Variants in TRIM67 observed in about 807,000 individuals in gnomAD.
The protein encoded by TRIM67 is tripartite motif-containing protein 67.
TRIM67 carries 39 observed loss-of-function variants against 71.0 expected under a neutral mutation model. That is an observed-to-expected ratio of 0.55 (90% CI 0.43 to 0.72). The LOEUF is 0.72. Among genes scored for constraint, TRIM67 ranks in the 30% least tolerant of loss-of-function variants. The probability of loss-of-function intolerance (pLI) is 0.00; values close to 1 mark genes in which losing one functional copy is unlikely to be tolerated. For synonymous variants in TRIM67, 481 were observed against 473.9 expected, an observed-to-expected ratio of 1.01 and a Z score of -0.19; for missense variants, 973 against 1,079.2, an observed-to-expected ratio of 0.90 and a Z score of 1.38.
chr1:231,208,293 C>A (rs1163721451), intron 7 of TRIM67, among the ~76,000 whole-genome samples: 1 of 152,030 alleles, frequency 6.6e-6, no homozygotes, highest in Non-Finnish European at 1.5e-5. Context: ...CCTGCCTCAG[C>A]CTCCCGAGTG....
At position 231,217,101 on chromosome 1, in the gene TRIM67, T is replaced by G; in HGVS notation, c.*1661T>G. On this transcript the variant is annotated 3_prime_UTR_variant, in exon 10 of 10. Coordinates refer to ENST00000366653, the MANE Select transcript of TRIM67 (RefSeq NM_001004342.5). ...TCTGAGTAACTGCCTGCCGGAGCCA[T>G]GCAGGTACCCCCCCTCCACTCAGCA... 2 of 985,910 alleles carry G rather than the reference T, an allele frequency of 2.0e-6. No homozygotes were observed. The highest frequency in any genetic ancestry group is 2.4e-6 in the Non-Finnish European group (2 of 830,006). 61.1% of individuals were successfully genotyped at this position (985,910 alleles called of 1,614,324 possible). A position where few individuals can be genotyped will look rare whatever the true frequency, so the allele number is the denominator to read the frequency against.
intron 8 of TRIM67, among the ~76,000 whole-genome samples, chr1:231,210,893 A>T (rs988311470): frequency 1.3e-5 from 2 of 151,264 alleles, no homozygotes; most frequent in African/African-American, 4.9e-5. Context: ...TAGTAATTTT[A>T]AAAATTAGCC....
chr1:231,214,993 A>C (rs967961314), intron 9 of TRIM67, among the ~76,000 whole-genome samples: 2 of 152,130 alleles, frequency 1.3e-5, no homozygotes, highest in Admixed American at 6.5e-5. Context: ...ATAATTCCTC[A>C]CAGTTAATAG....
At chr1:231,173,158 G>C (rs904685597) in intron 1 of TRIM67, among the ~76,000 whole-genome samples, 2 of 152,086 alleles carry the variant, frequency 1.3e-5, no homozygotes, top group African/African-American at 4.8e-5. Context: ...CATAAATCTA[G>C]TCACAAGAGA....
rs147112114 is a variant in TRIM67, at chr1:231,176,992, C to T, written c.1044+12979C>T. Among the ~76,000 whole-genome samples, 3 of 137,888 alleles carry T rather than the reference C, an allele frequency of 2.2e-5. No individual in the cohort carries two copies. The East Asian group carries it at 6.8e-4, about 31-fold the overall frequency. 90.5% of individuals were successfully genotyped at this position (137,888 alleles called of 152,430 possible). A position where few individuals can be genotyped will look rare whatever the true frequency, so the allele number is the denominator to read the frequency against. On this transcript the variant is annotated intron_variant, in intron 1 of 9. Transcript: ENST00000366653. Reference sequence around the variant, plus strand: ...AGAGATGGGGAGAAAGGGGTAAAAACAAAAGAAGTGAGGAAACCGTAACAT... The same window carrying T: ...AGAGATGGGGAGAAAGGGGTAAAAATAAAAGAAGTGAGGAAACCGTAACAT...
Position 231,163,378 on chromosome 1 carries a change from T to C in TRIM67, c.409T>C (p.Ser137Pro). The change falls in exon 1 of 10, where the codon TCC (serine) becomes CCC (proline). Residue 137 changes from serine (S) to proline (P), a missense_variant. Ser to Pro is a moderately conservative substitution (Grantham distance 74). Coordinates refer to ENST00000366653, the MANE Select transcript of TRIM67 (RefSeq NM_001004342.5). Reference sequence around the variant, plus strand: ...GCCCATGGTGCCCGCACCACCCGGCTCCTCGGCTGCGGCGGCTCGGGGTGC... The same window carrying C: ...GCCCATGGTGCCCGCACCACCCGGCCCCTCGGCTGCGGCGGCTCGGGGTGC... ...VLPMVPAPPGSSAAAARGAAC... is the reference protein window; with the variant it reads ...VLPMVPAPPGPSAAAARGAAC... 1 of 1,536,022 alleles carries C rather than the reference T, an allele frequency of 6.5e-7. No individual in the cohort carries two copies. The highest frequency in any genetic ancestry group is 2.5e-5 in the East Asian group (1 of 39,420).
intron 1 of TRIM67, among the ~76,000 whole-genome samples, chr1:231,195,163 G>A (rs1277652167): frequency 6.6e-6 from 1 of 152,212 alleles, no homozygotes; most frequent in Non-Finnish European, 1.5e-5. Context: ...GAATCACGAG[G>A]CCTTTCCCAG....
chr1:231,201,234 C>A, intron 4 of TRIM67, 124 bp from the exon 5 acceptor site: 1 of 1,037,494 alleles, frequency 9.6e-7, no homozygotes, highest in South Asian at 1.7e-5. Context: ...TGCCATGGCT[C>A]TAGAGCACAA....
At chr1:231,195,117 A>T (rs895419394) in intron 1 of TRIM67, among the ~76,000 whole-genome samples, 1 of 152,268 alleles carries the variant, frequency 6.6e-6, no homozygotes, top group South Asian at 2.1e-4. Flanking sequence ...GGGCCTCGGG[A>T]TAAGAGCCTT....
chr1:231,215,182 G>T (rs979035761), intron 9 of TRIM67, among the ~76,000 whole-genome samples, 193 bp from the exon 10 acceptor site: 2 of 152,186 alleles, frequency 1.3e-5, no homozygotes, highest in Non-Finnish European at 2.9e-5. Context: ...GAGGAAAGAG[G>T]TGCAAACCAA....
intron 1 of TRIM67, among the ~76,000 whole-genome samples, chr1:231,166,225 A>G (rs1682460224): frequency 6.6e-6 from 1 of 152,254 alleles, no homozygotes; most frequent in African/African-American, 2.4e-5. Context: ...AAGGAACACT[A>G]CAAGTTACTT....
intron 1 of TRIM67, among the ~76,000 whole-genome samples, chr1:231,186,470 T>G (rs1683079017): frequency 6.6e-6 from 1 of 152,156 alleles, no homozygotes; most frequent in African/African-American, 2.4e-5. Flanking sequence ...AATCAGGGTG[T>G]CGGCAGGGCT....
At position 231,163,544 on chromosome 1, in the gene TRIM67, G is replaced by A; in HGVS notation, c.575G>A (p.Gly192Asp). 2 of 1,513,090 alleles carry A rather than the reference G, an allele frequency of 1.3e-6. No homozygotes were observed. Among genetic ancestry groups the A allele is most frequent in the South Asian group, 1.2e-5 (1 of 81,204 alleles). The allele number at this position is 1,513,090 out of a possible 1,614,324, so 93.7% of individuals were successfully genotyped here. A position where few individuals can be genotyped will look rare whatever the true frequency, so the allele number is the denominator to read the frequency against. Reference sequence around the variant, plus strand: ...GCCATCGTGCAGCGGTACCAGCAGGGCCGCGGGGCCGTGCCGGGGACGTCT... The same window carrying A: ...GCCATCGTGCAGCGGTACCAGCAGGACCGCGGGGCCGTGCCGGGGACGTCT... Reference protein sequence around the residue: ...LEAIVQRYQQGRGAVPGTSAA... With the variant: ...LEAIVQRYQQDRGAVPGTSAA... The change falls in exon 1 of 10, where the codon GGC becomes GAC. Residue 192 changes from glycine (G) to aspartate (D), a missense_variant. Transcript: ENST00000366653.
At chr1:231,205,227 T>C (rs896680806) in intron 6 of TRIM67, among the ~76,000 whole-genome samples, 56 of 152,202 alleles carry the variant, frequency 3.7e-4, no homozygotes, top group African/African-American at 1.3e-3. Flanking sequence ...AAGAGGGTCT[T>C]ACAGTAGGAA....
At chr1:231,201,642 A>G (rs937901369) in intron 5 of TRIM67, 125 bp downstream of exon 5, 3 of 1,227,850 alleles carry the variant, frequency 2.4e-6, no homozygotes, top group Non-Finnish European at 3.3e-6. Context: ...GGAGAGCAGG[A>G]GCGCCAGAGT....
chr1:231,201,380 G>A lies in TRIM67; in HGVS notation c.1397G>A (p.Arg466His), dbSNP rs746580857. The change falls in exon 5 of 10, where the codon CGC becomes CAC. Residue 466 changes from arginine (R) to histidine (H), a missense_variant. Around this residue, in one of 2 missense-constraint regions of TRIM67, gnomAD observed 795 missense variants for 831.3 expected, o/e 0.96. Coordinates refer to ENST00000366653, the MANE Select transcript of TRIM67 (RefSeq NM_001004342.5). ...AAGATCTCAGATGCTCTGATCAAGC[G>A]CGTCCAGGTGTCTCAGGAGCAGTGG... ...FLQISDALIK[R>H]VQVSQEQWVK... 1.6e-5 allele frequency: 26 copies of A among 1,613,092 alleles called. No homozygotes were observed. The highest frequency in any genetic ancestry group is 1.6e-4 in the Middle Eastern group (1 of 6,084).
chr1:231,203,845 C>T, intron 5 of TRIM67, 22 bp from the exon 6 acceptor site: 3 of 1,608,896 alleles, frequency 1.9e-6, no homozygotes, highest in Non-Finnish European at 1.7e-6. Flanking sequence ...CCTGCGCTAA[C>T]TCATGTGTGT....
intron 2 of TRIM67, among the ~76,000 whole-genome samples, chr1:231,198,301 A>G (rs1683423970): frequency 6.6e-6 from 1 of 152,226 alleles, no homozygotes; most frequent in South Asian, 2.1e-4. Flanking sequence ...ACGTGCACAC[A>G]CAGGTGCTCC....
intron 1 of TRIM67, among the ~76,000 whole-genome samples, chr1:231,178,089 T>G (rs1195168761): frequency 6.6e-6 from 1 of 152,142 alleles, no homozygotes; most frequent in Non-Finnish European, 1.5e-5. Flanking sequence ...AAAAGAGCCA[T>G]CCATGCTCAT....
Sources: allele counts gnomAD v4.1 joint callset (sites outside exome capture counted in the v4.1 genomes callset), GRCh38; gene constraint gnomAD v4.1.1; regional missense constraint gnomAD v4.1.1; transcripts MANE v1.5; gene names NCBI Gene and HGNC (gene_info 2026-07-23, HGNC 2026-07-21).